The following FNDC1 variants were observed in gnomAD, a reference collection of about 807,000 sequenced individuals.
The protein encoded by FNDC1 is fibronectin type III domain-containing protein 1.
A neutral mutation model predicts 168.0 loss-of-function variants in FNDC1; 96 were observed. The ratio of observed to expected loss-of-function variants is 0.57; its 90% CI spans 0.48 to 0.68. The LOEUF is 0.68. FNDC1 is among the 30% of genes least tolerant of loss of function. The pLI, the probability that FNDC1 is intolerant of heterozygous loss-of-function variation, is 0.00. For missense variants in FNDC1, 2,587 were observed against 2,482.1 expected (o/e 1.04, Z -0.90); for synonymous variants, 1,099 against 1,025.9 (o/e 1.07, Z -1.36).
Position 159,210,069 on chromosome 6 carries a change from C to A in FNDC1, c.461-4876C>A, listed in dbSNP as rs9456376. ...GTGCTGACGCCCTCTGAAGAGCAGT[C>A]GGGTCCTTGGGAACTGTGCCAGCTT... On this transcript the variant is annotated intron_variant, in intron 4 of 22. Transcript: ENST00000297267. Among the ~76,000 whole-genome samples, 362 of 152,316 alleles carry A rather than the reference C, an allele frequency of 2.4e-3. 2 individuals are homozygous for A. The highest frequency in any genetic ancestry group is 8.4e-3 in the African/African-American group (349 of 41,568).
chr6:159,187,081 G>T (rs1274248527), intron 1 of FNDC1, among the ~76,000 whole-genome samples: 1 of 152,208 alleles, frequency 6.6e-6, no homozygotes, highest in African/African-American at 2.4e-5. Context: ...CTCTGCTCAG[G>T]AGTGAGTATT....
intron 4 of FNDC1, among the ~76,000 whole-genome samples, chr6:159,212,333 T>C (rs903053126): frequency 6.6e-6 from 1 of 152,206 alleles, no homozygotes; most frequent in Non-Finnish European, 1.5e-5. Flanking sequence ...ATTAGAGAAT[T>C]TCAGAAGGCT....
At chr6:159,250,981 G>A (rs1342840339) in intron 16 of FNDC1, among the ~76,000 whole-genome samples, 2 of 152,192 alleles carry the variant, frequency 1.3e-5, no homozygotes. Flanking sequence ...CAAATGTGGG[G>A]CACAGGAATG....
At chr6:159,269,316 TTTATCTAA>T (rs1362106247) in intron 22 of FNDC1, among the ~76,000 whole-genome samples, 2 of 132,728 alleles carry the variant, frequency 1.5e-5, no homozygotes, top group Non-Finnish European at 3.3e-5. Flanking sequence ...ATCCTATCTA[TTTATCTAA>T]CTATCTATCT....
Position 159,267,814 on chromosome 6 carries a change from C to T in FNDC1, c.5457C>T (p.Tyr1819=). The part of the protein sequence containing the change: ...YLSDNLKDTF[Y]SIGDSWGRGE... ...AATTCCTTCATGCAGATACATTCTA[C>T]AGCATTGGAGACAGCTGGGGAAGAG... is the stretch of plus-strand genomic sequence containing the variant. Residue 1819 remains tyrosine, a synonymous_variant, in exon 22 of 23, where the codon TAC becomes TAT. Coordinates refer to ENST00000297267, the MANE Select transcript of FNDC1 (RefSeq NM_032532.3). 6.2e-7 allele frequency: 1 copy of T among 1,613,808 alleles called. No individual in the cohort carries two copies. Among genetic ancestry groups the T allele is most frequent in the Non-Finnish European group, 8.5e-7 (1 of 1,179,820 alleles).
rs908148120 is a variant in FNDC1 at position 159,232,869 on chromosome 6, G to A, written c.2357G>A (p.Gly786Asp). 5 of 1,613,668 alleles carry A rather than the reference G, an allele frequency of 3.1e-6. No homozygotes were observed. The highest frequency in any genetic ancestry group is 2.2e-5 in the East Asian group (1 of 44,886). ...TCTGAGGGAGCGGAGGCTTCTGATG[G>A]TGAAAGCCACGGTGACGGCGATAGG... ...QVSEGAEASD[G>D]ESHGDGDRED... The change falls in exon 11 of 23, where the codon GGT becomes GAT. Residue 786 changes from glycine to aspartate, a missense_variant. Gly to Asp is a moderately conservative substitution (Grantham distance 94). Coordinates refer to ENST00000297267, the MANE Select transcript of FNDC1 (RefSeq NM_032532.3). This position sits in a 1 kb window ranked among gnomAD's most constrained non-coding sequence, Gnocchi z 4.9.
chr6:159,198,723 G>C (rs1330494293), intron 2 of FNDC1, among the ~76,000 whole-genome samples: 1 of 152,212 alleles, frequency 6.6e-6, no homozygotes, highest in Non-Finnish European at 1.5e-5. Flanking sequence ...AAAACAAATA[G>C]TATCTCCCAG....
At chr6:159,258,787 A>AC in intron 18 of FNDC1, among the ~76,000 whole-genome samples, 1 of 152,260 alleles carries the variant, frequency 6.6e-6, no homozygotes, top group South Asian at 2.1e-4. Flanking sequence ...ATGTAAGGAC[A>AC]CTCATTTTCC....
At chr6:159,218,486 G>A (rs1583879988) in intron 5 of FNDC1, 1 of 152,378 alleles carries the variant, frequency 6.6e-6, no homozygotes, top group East Asian at 1.9e-4. Context: ...GGCTGAAGTG[G>A]ATTCTCCTCG....
Position 159,271,574 on chromosome 6 carries a change from C to A in FNDC1, c.*132C>A. The A allele has an allele frequency of 3.1e-6, 2 of 647,086 alleles. No individual in the cohort carries two copies. The highest frequency in any genetic ancestry group is 3.6e-5 in the South Asian group (2 of 56,084). 40.1% of individuals were successfully genotyped at this position (647,086 alleles called of 1,614,324 possible). A position where few individuals can be genotyped will look rare whatever the true frequency, so the allele number is the denominator to read the frequency against. On this transcript the variant is annotated 3_prime_UTR_variant, in exon 23 of 23. Transcript: ENST00000297267. ...GTGCCAGGAAGGTCATAGATGGACA[C>A]TGGCCATTCTGGTCATCTCAGTCTG...
At chr6:159,212,095 T>C (rs966239643) in intron 4 of FNDC1, among the ~76,000 whole-genome samples, 5 of 152,228 alleles carry the variant, frequency 3.3e-5, no homozygotes, top group African/African-American at 7.2e-5. Context: ...TGGATGGTAA[T>C]TGTTTCACCC....
At chr6:159,225,762 A>G (rs547224148) in intron 8 of FNDC1, 40 bp downstream of exon 8, 4 of 1,505,198 alleles carry the variant, frequency 2.7e-6, no homozygotes, top group Non-Finnish European at 2.7e-6. Flanking sequence ...CAATTTGGGA[A>G]TTACACCCAA....
rs1782342490 is a variant in FNDC1, at chr6:159,200,079, C to G, written c.388C>G (p.Pro130Ala). ...SRPVYRAESPPGGEWIEIDGF... is the reference protein window; with the variant it reads ...SRPVYRAESPAGGEWIEIDGF... Reference sequence around the variant, plus strand: ...TCCTGTTTACAGAGCTGAAAGCCCACCTGGTAAGTCCTATCTAGAATCAGA... The same window carrying G: ...TCCTGTTTACAGAGCTGAAAGCCCAGCTGGTAAGTCCTATCTAGAATCAGA... The change falls in exon 3 of 23, where the codon CCT (proline) becomes GCT (alanine). Residue 130 changes from proline to alanine, a missense_variant. Transcript: ENST00000297267. 1.3e-6 allele frequency: 2 copies of G among 1,589,870 alleles called. No individual in the cohort carries two copies. Among genetic ancestry groups the G allele is most frequent in the Middle Eastern group, 1.7e-4 (1 of 6,038 alleles).
At chr6:159,187,066 G>T (rs1360395767) in intron 1 of FNDC1, among the ~76,000 whole-genome samples, 2 of 152,222 alleles carry the variant, frequency 1.3e-5, no homozygotes, top group African/African-American at 4.8e-5. Context: ...GAGTGCCGCT[G>T]GCTCCTCTGC....
chr6:159,191,942 C>T (rs1198709690), intron 1 of FNDC1, among the ~76,000 whole-genome samples: 7 of 152,138 alleles, frequency 4.6e-5, no homozygotes, highest in Non-Finnish European at 1.0e-4. Context: ...TAAACCATAG[C>T]TCACTGCATC....
At chr6:159,265,372 G>T (rs991879289) in intron 20 of FNDC1, among the ~76,000 whole-genome samples, 1 of 152,156 alleles carries the variant, frequency 6.6e-6, no homozygotes, top group Admixed American at 6.5e-5. Context: ...AGAAAACCTT[G>T]TTGCTTGACT....
rs146999904 is a variant in FNDC1 at position 159,214,354 on chromosome 6, T to C, written c.461-591T>C. 4.7e-3 allele frequency among the ~76,000 whole-genome samples: 721 copies of C among 152,320 alleles called. 7 individuals are homozygous for C. Among genetic ancestry groups the C allele is most frequent in the African/African-American group, 0.017 (695 of 41,572 alleles). On this transcript the variant is annotated intron_variant, in intron 4 of 22. Transcript: ENST00000297267. Reference sequence around the variant, plus strand: ...CAAGAGATTTCTCAAAACTGATTAATGTAGCAAGTAAAAAAAACAACAGAC... The same window carrying C: ...CAAGAGATTTCTCAAAACTGATTAACGTAGCAAGTAAAAAAAACAACAGAC...
Position 159,169,668 on chromosome 6 carries a change from C to G in FNDC1, c.72C>G (p.Ala24=). The G allele has an allele frequency of 8.6e-7, 1 of 1,164,944 alleles. No homozygotes were observed. Among genetic ancestry groups the G allele is most frequent in the Non-Finnish European group, 1.1e-6 (1 of 945,664 alleles). 72.2% of individuals were successfully genotyped at this position (1,164,944 alleles called of 1,614,324 possible). ...CCTGGGCGGCGCTGCTGCTCTTGGC[C>G]GCGCTGCTCCCCGTCGCCTCCTCGG... ...RLSWAALLLL[A]ALLPVASSAA... is the part of the protein sequence containing the mutation. The change falls in exon 1 of 23, where the codon GCC becomes GCG. Residue 24 remains alanine (A), a synonymous_variant. Transcript: ENST00000297267. The surrounding 1 kb of genome is among the most constrained non-coding windows in gnomAD (Gnocchi z 6.8).
rs79664038 is a variant in FNDC1 at position 159,204,368 on chromosome 6, G to C, written c.460+3787G>C. Among the ~76,000 whole-genome samples, 324 of 152,184 alleles carry C rather than the reference G, an allele frequency of 2.1e-3. 2 individuals carry two copies. The highest frequency in any genetic ancestry group is 7.4e-3 in the African/African-American group (309 of 41,512). ...TGCCACCTCCCCTCATGGAGTTAAA[G>C]TTACAGATAGAGTTGATCCCTTCCA... On this transcript the variant is annotated intron_variant, in intron 4 of 22. Coordinates refer to ENST00000297267, the MANE Select transcript of FNDC1 (RefSeq NM_032532.3).
Sources: allele counts gnomAD v4.1 joint callset (sites outside exome capture counted in the v4.1 genomes callset), GRCh38; gene constraint gnomAD v4.1.1; non-coding constraint Gnocchi (gnomAD v3.1); transcripts MANE v1.5; gene names NCBI Gene and HGNC (gene_info 2026-07-23, HGNC 2026-07-21).